NAV3: variants seen among roughly 807,000 people sequenced by gnomAD.
The protein encoded by NAV3 is pore membrane and/or filament interacting like protein 1.
Under a neutral mutation model 244.7 loss-of-function variants are expected in NAV3, and 87 were observed. That is an observed-to-expected ratio of 0.36 (90% CI 0.30 to 0.42). The LOEUF is 0.42. Among genes scored for constraint, NAV3 ranks in the 20% least tolerant of loss-of-function variants. The pLI is 1.00. For missense variants in NAV3, 2,663 were observed against 2,893.3 expected, an observed-to-expected ratio of 0.92 and a Z score of 1.83; for synonymous variants, 1,126 against 1,042.2, an observed-to-expected ratio of 1.08 and a Z score of -1.55.
intron 2 of NAV3, among the ~76,000 whole-genome samples, chr12:77,632,284 C>T (rs1227309641): frequency 6.6e-6 from 1 of 152,148 alleles, no homozygotes; most frequent in Non-Finnish European, 1.5e-5. Context: ...TATCACCAAT[C>T]TGTATTAGCC....
At chr12:77,901,704 T>TC (rs1330273069) in intron 1 of NAV3, among the ~76,000 whole-genome samples, 8 of 151,974 alleles carry the variant, frequency 5.3e-5, no homozygotes, top group African/African-American at 1.9e-4. Flanking sequence ...AGACTCTGTT[T>TC]CAAAAAAAGA....
intron 18 of NAV3, among the ~76,000 whole-genome samples, chr12:78,134,195 C>G (rs1235101846): frequency 6.6e-6 from 1 of 152,150 alleles, no homozygotes; most frequent in East Asian, 1.9e-4. Context: ...TGAATCCTTT[C>G]CCATCTTCGT....
chr12:77,647,352 A>G (rs956658065), intron 2 of NAV3, among the ~76,000 whole-genome samples: 1 of 152,232 alleles, frequency 6.6e-6, no homozygotes, highest in Middle Eastern at 3.4e-3. Flanking sequence ...ACCAAATTAC[A>G]TTTTATCTTG....
intron 2 of NAV3, among the ~76,000 whole-genome samples, chr12:77,602,077 G>A (rs191474549): frequency 2.3e-4 from 35 of 152,152 alleles, no homozygotes; most frequent in Admixed American, 7.2e-4. Flanking sequence ...GGATAATAGG[G>A]AGTTCTGCAG....
Position 77,941,135 on chromosome 12 carries a change from T to C in NAV3, c.414+2T>C. ...TGTCCTAGAAGTCAGTCTCAGATGG[T>C]AAGAATCATATTTATTCTCAATATA... On this transcript the variant is annotated splice_donor_variant, in intron 3 of 39. Transcript: ENST00000397909. LOFTEE classifies it high-confidence loss of function. 3 of 1,527,990 alleles carry C rather than the reference T, an allele frequency of 2.0e-6. No homozygotes were observed. Among genetic ancestry groups the C allele is most frequent in the Non-Finnish European group, 2.7e-6 (3 of 1,113,390 alleles). The allele number at this position is 1,527,990 out of a possible 1,614,324, so 94.7% of individuals were successfully genotyped here.
chr12:77,604,681 G>A (rs546342069), intron 2 of NAV3, among the ~76,000 whole-genome samples: 2 of 152,016 alleles, frequency 1.3e-5, no homozygotes, highest in Admixed American at 1.3e-4. Flanking sequence ...TCCTTTGAGT[G>A]TCTAGAAAGC....
intron 2 of NAV3, among the ~76,000 whole-genome samples, chr12:77,766,745 T>TTTTTTTTTG (rs1869786720): frequency 1.1e-4 from 3 of 26,516 alleles, no homozygotes; most frequent in Non-Finnish European, 2.3e-4. Flanking sequence ...GTTTTTTTTT[T>TTTTTTTTTG]TTTTTTTTTT....
chr12:77,768,090 G>A (rs1052646004), intron 2 of NAV3, among the ~76,000 whole-genome samples: 2 of 152,218 alleles, frequency 1.3e-5, no homozygotes, highest in African/African-American at 4.8e-5. Flanking sequence ...GAGTCCAGTA[G>A]AACCTATCCA....
At chr12:77,957,169 T>A (rs1418397325) in intron 3 of NAV3, among the ~76,000 whole-genome samples, 1 of 152,234 alleles carries the variant, frequency 6.6e-6, no homozygotes, top group Non-Finnish European at 1.5e-5. Context: ...GAATTTATCA[T>A]GTTATGCCTT....
chr12:77,799,720 A>ATGG (rs2135966563), intron 2 of NAV3, among the ~76,000 whole-genome samples: 1 of 152,228 alleles, frequency 6.6e-6, no homozygotes, highest in East Asian at 1.9e-4. Context: ...GTACAAGCAG[A>ATGG]TGGTGGTGAT....
Position 78,188,671 on chromosome 12 carries a change from C to G in NAV3, c.5949C>G (p.Ser1983Arg), listed in dbSNP as rs767370925. ...SLGLSSDCIA[S>R]YCIGDLIRSH... ...GTCTGAGCTCTGACTGCATTGCTAG[C>G]TACTGTATAGGAGACTTAATTAGAT... The change falls in exon 33 of 40, where the codon AGC becomes AGG. Residue 1983 changes from serine (S) to arginine (R), a missense_variant. Coordinates refer to ENST00000397909, the MANE Select transcript of NAV3 (RefSeq NM_001024383.2). 1 of 1,612,332 alleles carries G rather than the reference C, an allele frequency of 6.2e-7. No individual in the cohort carries two copies. The highest frequency in any genetic ancestry group is 1.7e-5 in the Admixed American group (1 of 59,888).
chr12:77,666,578 T>C (rs991014604), intron 2 of NAV3, among the ~76,000 whole-genome samples: 8 of 152,204 alleles, frequency 5.3e-5, no homozygotes, highest in African/African-American at 1.2e-4. Flanking sequence ...TGTAAAGCAA[T>C]TGGCTTGTGC....
At chr12:77,787,569 TGAGAACTCACTATTAA>T (rs1870962447) in intron 2 of NAV3, among the ~76,000 whole-genome samples, 1 of 152,120 alleles carries the variant, frequency 6.6e-6, no homozygotes, top group South Asian at 2.1e-4. Flanking sequence ...TCAGATTTCA[TGAGAACTCACTATTAA>T]GAGAACTCAC....
chr12:77,663,315 C>A (rs946799240), intron 2 of NAV3, among the ~76,000 whole-genome samples: 7 of 152,146 alleles, frequency 4.6e-5, no homozygotes, highest in African/African-American at 1.7e-4. Flanking sequence ...AAACATCCCT[C>A]GCTTTTTAAG....
At chr12:78,129,119 C>G (rs1439188904) in intron 18 of NAV3, among the ~76,000 whole-genome samples, 7 of 152,150 alleles carry the variant, frequency 4.6e-5, no homozygotes, top group Non-Finnish European at 1.0e-4. Context: ...GCTCCAGAGG[C>G]TCAGAAAGTT....
At chr12:77,805,411 T>G (rs1001934554) in intron 2 of NAV3, among the ~76,000 whole-genome samples, 2 of 152,228 alleles carry the variant, frequency 1.3e-5, no homozygotes, top group African/African-American at 4.8e-5. Flanking sequence ...CTTTTCTGCA[T>G]CTATTGAGAT....
chr12:77,834,398 A>G (rs963564323), intron 1 of NAV3, among the ~76,000 whole-genome samples: 2 of 152,250 alleles, frequency 1.3e-5, no homozygotes, highest in Admixed American at 1.3e-4. Context: ...AAAGTGAACA[A>G]TTCAGAGTAA....
At chr12:78,017,132 A>C (rs376986701) in intron 8 of NAV3, among the ~76,000 whole-genome samples, 3 of 152,144 alleles carry the variant, frequency 2.0e-5, no homozygotes, top group African/African-American at 7.2e-5. Context: ...TGCAGCACCT[A>C]CATTGCAAGA....
intron 2 of NAV3, among the ~76,000 whole-genome samples, chr12:77,762,187 C>G (rs184743316): frequency 2.6e-5 from 4 of 152,170 alleles, no homozygotes; most frequent in Admixed American, 1.3e-4. Flanking sequence ...AACAGAAAAC[C>G]AAACACCACA....
Sources: allele counts gnomAD v4.1 joint callset (sites outside exome capture counted in the v4.1 genomes callset), GRCh38; gene constraint gnomAD v4.1.1; transcripts MANE v1.5; gene names NCBI Gene and HGNC (gene_info 2026-07-23, HGNC 2026-07-21).